The following PRSS53 variants were observed in gnomAD, a reference collection of about 807,000 sequenced individuals.
PRSS53 encodes EDTP308.
In PRSS53, 54 loss-of-function variants were observed where a neutral mutation model predicts 62.7. The observed-to-expected ratio is 0.86, with a 90% CI of 0.69 to 1.08. The LOEUF (loss-of-function observed/expected upper bound fraction) is 1.08. Ranked by LOEUF, PRSS53 falls within the 50% of genes least tolerant of loss-of-function variation. PRSS53 has a pLI of 0.00. For missense variants in PRSS53, 688 were observed against 728.3 expected (o/e 0.94, Z 0.64); for synonymous variants, 273 against 300.0 (o/e 0.91, Z 0.93).
At position 31,088,120 on chromosome 16, in the gene PRSS53, C is replaced by G; in HGVS notation, c.59-294G>C. The G allele has an allele frequency of 2.2e-6, 3 of 1,361,318 alleles. No individual in the cohort carries two copies. The East Asian group carries it at 9.0e-5, about 41-fold the overall frequency. 84.3% of individuals were successfully genotyped at this position (1,361,318 alleles called of 1,614,324 possible). ...CTCCAGGCTTCAGAACCCCCAACTC[C>G]TGCCCCCGCCACTGAGTCAGCCAGG... On this transcript the variant is annotated intron_variant, in intron 1 of 10. Transcript: ENST00000280606.
In PRSS53 at chr16:31,084,104, C is replaced by G. The variant is rs752254845; in HGVS notation, c.1642+15G>C. Reference sequence around the variant, plus strand: ...GGAGAGGCAGGGTTTGGCAGGAGGCCCCGGGGCCACATACTTATGTTGGCC... The same window carrying G: ...GGAGAGGCAGGGTTTGGCAGGAGGCGCCGGGGCCACATACTTATGTTGGCC... On this transcript the variant is annotated intron_variant, in intron 10 of 10. Transcript: ENST00000280606. 11 of 1,558,768 alleles carry G rather than the reference C, an allele frequency of 7.1e-6. No individual in the cohort carries two copies. Among genetic ancestry groups the G allele is most frequent in the Non-Finnish European group, 9.5e-6 (11 of 1,152,158 alleles).
exon 8 of PRSS53, chr16:31,084,912 T>TGTC (rs772907169): frequency 2.6e-6 from 4 of 1,542,448 alleles, no homozygotes; most frequent in Non-Finnish European, 2.6e-6. Context: ...AGGAGGGCCA[T>TGTC]GTCGTAGCCC....
exon 10 of PRSS53, chr16:31,084,312 C>G: frequency 6.2e-7 from 1 of 1,612,744 alleles, no homozygotes. Context: ...TCACCTCATG[C>G]ACCAGTGGTG....
At chr16:31,083,998 G>GGTCT in intron 10 of PRSS53, 121 bp downstream of exon 10, 1 of 1,498,486 alleles carries the variant, frequency 6.7e-7, no homozygotes, top group African/African-American at 1.4e-5. Context: ...GAATCAAATG[G>GGTCT]GTCTGCCTGT....
exon 5 of PRSS53, chr16:31,086,388 C>G (rs1202981475): frequency 6.2e-7 from 1 of 1,614,044 alleles, no homozygotes; most frequent in Non-Finnish European, 8.5e-7. Context: ...GCATCCCAGG[C>G]CGGGCCGGGT....
At chr16:31,088,318 G>A in intron 1 of PRSS53, 3 of 1,115,616 alleles carry the variant, frequency 2.7e-6, no homozygotes, top group Non-Finnish European at 3.3e-6. Context: ...AACTGTCTGA[G>A]AGCCCGCCAG....
chr16:31,088,469 A>C, intron 1 of PRSS53: 1 of 1,305,466 alleles, frequency 7.7e-7, no homozygotes. Context: ...TCATTGTGGA[A>C]GTCGAGGGGG....
At chr16:31,087,587 G>A (rs752616783) in exon 3 of PRSS53, 1 of 1,612,344 alleles carries the variant, frequency 6.2e-7, no homozygotes, top group Non-Finnish European at 8.5e-7. Context: ...CCACCAGGGA[G>A]CCGCTGCAGA....
chr16:31,083,917 A>G, intron 10 of PRSS53, 108 bp from the exon 11 acceptor site: 9 of 1,578,708 alleles, frequency 5.7e-6, no homozygotes, highest in Non-Finnish European at 6.9e-6. Flanking sequence ...GCCATGACAG[A>G]TGAGAATACT....
At chr16:31,085,453 C>T (rs1464602528) in intron 6 of PRSS53, among the ~76,000 whole-genome samples, 193 bp from the exon 7 acceptor site, 1 of 152,180 alleles carries the variant, frequency 6.6e-6, no homozygotes, top group Non-Finnish European at 1.5e-5. Context: ...CAAGCCAGGG[C>T]CTGAGCTTTT....
exon 5 of PRSS53, chr16:31,086,389 C>T (rs574074840): frequency 2.9e-5 from 46 of 1,613,908 alleles, no homozygotes; most frequent in South Asian, 1.4e-4. Flanking sequence ...CATCCCAGGC[C>T]GGGCCGGGTT....
chr16:31,084,752 C>CT, intron 8 of PRSS53, 28 bp downstream of exon 8: 1 of 1,590,338 alleles, frequency 6.3e-7, no homozygotes, highest in East Asian at 2.3e-5. Flanking sequence ...GTTGGATGGA[C>CT]AGCAGCCCTG....
chr16:31,085,384 G>A, intron 6 of PRSS53, 124 bp from the exon 7 acceptor site: 1 of 1,137,296 alleles, frequency 8.8e-7, no homozygotes, highest in South Asian at 1.7e-5. Flanking sequence ...CAAAGTTCCA[G>A]AGAGGTTAAG....
intron 3 of PRSS53, 120 bp from the exon 4 acceptor site, chr16:31,087,018 G>T: frequency 1.8e-6 from 2 of 1,086,576 alleles, no homozygotes; most frequent in South Asian, 1.7e-5. Context: ...TCTTTTTGAG[G>T]TAGGGTCTCG....
rs576697505 is a variant in PRSS53 at position 31,084,538 on chromosome 16, T to G, written c.1425+20A>C. ...GATGCCAGGGGCCTGTTAGGTAAGGTGTGGGGGCCTGGGGCTCACCTCACA... is the reference window on the plus strand; with the variant it reads ...GATGCCAGGGGCCTGTTAGGTAAGGGGTGGGGGCCTGGGGCTCACCTCACA... On this transcript the variant is annotated intron_variant, in intron 9 of 10. Coordinates refer to ENST00000280606, the Ensembl canonical transcript of PRSS53. The G allele has an allele frequency of 1.9e-6, 3 of 1,595,364 alleles. No individual in the cohort carries two copies. In the African/African-American group the frequency reaches 4.0e-5, roughly 21 times the overall value.
exon 11 of PRSS53, chr16:31,083,503 T>A (rs2057192789): frequency 7.5e-7 from 1 of 1,333,990 alleles, no homozygotes; most frequent in East Asian, 3.1e-5. Context: ...AAAAGAAATT[T>A]TCAAAACAAC....
chr16:31,083,568 T>C, exon 11 of PRSS53: 1 of 1,439,846 alleles, frequency 6.9e-7, no homozygotes, highest in South Asian at 1.5e-5. Context: ...CTGAGACGCC[T>C]GCTTGGTAGC....
Position 31,087,676 on chromosome 16 carries a change from G to C in PRSS53, c.103C>G (p.Pro35Ala). 1 of 1,612,152 alleles carries C rather than the reference G, an allele frequency of 6.2e-7. No homozygotes were observed. The highest frequency in any genetic ancestry group is 8.5e-7 in the Non-Finnish European group (1 of 1,179,278). The change falls in exon 3 of 11, where the codon CCC becomes GCC. Residue 35 changes from proline to alanine, a missense_variant. Physicochemically the swap from Pro to Ala is conservative, Grantham distance 27. Coordinates refer to ENST00000280606, the Ensembl canonical transcript of PRSS53. ...GTGTTGCCCTCCTGAGGCTTGGGGG[G>C]GCCGGGGCCACGCTGTCCACAGGCT...
intron 3 of PRSS53, chr16:31,087,201 T>G: frequency 1.9e-6 from 1 of 521,962 alleles, no homozygotes. Context: ...CTTGCTATGT[T>G]GCACAGGCTA....
Sources: allele counts gnomAD v4.1 joint callset (sites outside exome capture counted in the v4.1 genomes callset), GRCh38; gene constraint gnomAD v4.1.1; transcripts MANE v1.5; gene names NCBI Gene and HGNC (gene_info 2026-07-23, HGNC 2026-07-21).